The following PRKCE variants were observed in gnomAD, a reference collection of about 807,000 sequenced individuals.
PRKCE encodes protein kinase C epsilon type.
In PRKCE, 16 loss-of-function variants were observed where a neutral mutation model predicts 85.4. That is an observed-to-expected ratio of 0.19 (90% confidence interval 0.13 to 0.28). The LOEUF (loss-of-function observed/expected upper bound fraction) is 0.28. Among genes scored for constraint, PRKCE ranks in the 10% least tolerant of loss-of-function variants. PRKCE has a pLI of 1.00. For missense variants in PRKCE, 573 were observed against 975.2 expected, an observed-to-expected ratio of 0.59 and a Z score of 5.49; for synonymous variants, 388 against 371.5, an observed-to-expected ratio of 1.04 and a Z score of -0.51.
At chr2:45,757,537 T>C (rs544203226) in intron 1 of PRKCE, among the ~76,000 whole-genome samples, 1 of 151,760 alleles carries the variant, frequency 6.6e-6, no homozygotes, top group Non-Finnish European at 1.5e-5. Context: ...TGTGGTGGCA[T>C]GCAGCTGTAG....
At chr2:45,842,741 A>T (rs189169825) in intron 1 of PRKCE, among the ~76,000 whole-genome samples, 2 of 152,190 alleles carry the variant, frequency 1.3e-5, no homozygotes, top group East Asian at 3.9e-4. Flanking sequence ...TCATGGCAAA[A>T]CTGCCTCCAG....
intron 2 of PRKCE, among the ~76,000 whole-genome samples, chr2:45,859,168 CG>C (rs1408801830): frequency 5.9e-5 from 9 of 151,844 alleles, no homozygotes; most frequent in African/African-American, 1.9e-4. Flanking sequence ...GGCTGCAGTT[CG>C]TTTTTTTATT....
At chr2:45,784,082 C>G (rs1273221094) in intron 1 of PRKCE, among the ~76,000 whole-genome samples, 1 of 152,258 alleles carries the variant, frequency 6.6e-6, no homozygotes, top group African/African-American at 2.4e-5. Flanking sequence ...TGCTGGCGCT[C>G]AAGGACCTCA....
At chr2:45,888,358 G>A (rs1419788930) in intron 2 of PRKCE, among the ~76,000 whole-genome samples, 2 of 151,614 alleles carry the variant, frequency 1.3e-5, no homozygotes, top group African/African-American at 4.8e-5. Flanking sequence ...TGTTTGTTGT[G>A]AATCTCTAGA....
intron 1 of PRKCE, among the ~76,000 whole-genome samples, chr2:45,726,008 C>G (rs1681040627): frequency 6.6e-6 from 1 of 152,240 alleles, no homozygotes; most frequent in African/African-American, 2.4e-5. Flanking sequence ...GTAGAAATAG[C>G]AAGAGAACTA....
intron 10 of PRKCE, among the ~76,000 whole-genome samples, chr2:46,032,008 C>A (rs1707555545): frequency 6.6e-6 from 1 of 152,140 alleles, no homozygotes; most frequent in Non-Finnish European, 1.5e-5. Context: ...TTTAAACTTC[C>A]AGCAAATATT....
rs139913927 is a variant in PRKCE at position 46,109,179 on chromosome 2, C to G, written c.1592+22817C>G. ...CAGTAATGTTTTGGGTCCCTTATGT[C>G]TTTTGCTTTTCCATACACATTTTAG... On this transcript the variant is annotated intron_variant, in intron 11 of 14. Transcript: ENST00000306156. 5.3e-5 allele frequency among the ~76,000 whole-genome samples: 8 copies of G among 152,220 alleles called. No individual in the cohort carries two copies. The East Asian group carries it at 1.5e-3, about 29-fold the overall frequency.
intron 8 of PRKCE, 135 bp from the exon 9 acceptor site, chr2:46,007,327 A>T: frequency 1.3e-6 from 1 of 798,018 alleles, no homozygotes; most frequent in South Asian, 1.7e-5. Flanking sequence ...ATACAAAGGG[A>T]TGTCACACTG....
Position 45,949,530 on chromosome 2 carries a change from T to C in PRKCE, c.413-26899T>C, listed in dbSNP as rs1018291047. Among the ~76,000 whole-genome samples the C allele has an allele frequency of 4.0e-5, 6 of 151,632 alleles. No individual in the cohort carries two copies. In the East Asian group the frequency reaches 9.7e-4, roughly 24 times the overall value. ...TTTTCTCGGTATCTTTTTCTTGTCA[T>C]TATTTATGGTGTCTTCTGTGCAGAA... is the stretch of plus-strand genomic sequence containing the variant. On this transcript the variant is annotated intron_variant, in intron 2 of 14. Coordinates refer to ENST00000306156, the MANE Select transcript of PRKCE (RefSeq NM_005400.3).
chr2:45,854,811 C>G (rs530831545), intron 2 of PRKCE, among the ~76,000 whole-genome samples: 58 of 152,166 alleles, frequency 3.8e-4, no homozygotes, highest in Non-Finnish European at 7.3e-4. Flanking sequence ...GTCTTAGAAA[C>G]TTAAAATGTG....
rs913943742 is a variant in PRKCE, at chr2:45,774,541, G to A, written c.349-68459G>A. Among the ~76,000 whole-genome samples the A allele has an allele frequency of 6.6e-6, 1 of 152,092 alleles. No individual in the cohort carries two copies. The highest frequency in any genetic ancestry group is 2.4e-5 in the African/African-American group (1 of 41,402). On this transcript the variant is annotated intron_variant, in intron 1 of 14. Transcript: ENST00000306156. This position sits in a 1 kb window ranked among gnomAD's most constrained non-coding sequence, Gnocchi z 4.3. ...TTTCCATCATGCCAAAGCACCCCATGCCTTGGGGAAAGCTGAATGCCAGGA... is the reference window on the plus strand; with the variant it reads ...TTTCCATCATGCCAAAGCACCCCATACCTTGGGGAAAGCTGAATGCCAGGA...
At chr2:46,053,712 A>G (rs903227533) in intron 10 of PRKCE, among the ~76,000 whole-genome samples, 97 of 152,224 alleles carry the variant, frequency 6.4e-4, no homozygotes, top group African/African-American at 1.5e-3. Context: ...ATAATACTCC[A>G]TTGTATATAC....
At chr2:45,798,306 A>G (rs1329768246) in intron 1 of PRKCE, among the ~76,000 whole-genome samples, 1 of 152,234 alleles carries the variant, frequency 6.6e-6, no homozygotes, top group Non-Finnish European at 1.5e-5. Flanking sequence ...TGTCTATTTT[A>G]GAGATATAGA....
At chr2:45,823,304 C>T (rs979395867) in intron 1 of PRKCE, among the ~76,000 whole-genome samples, 2 of 152,210 alleles carry the variant, frequency 1.3e-5, no homozygotes, top group Admixed American at 6.5e-5. Context: ...TCAGCAGTAA[C>T]GTTGAGCCTC....
intron 1 of PRKCE, among the ~76,000 whole-genome samples, chr2:45,698,199 T>C (rs985022244): frequency 2.6e-5 from 4 of 152,096 alleles, no homozygotes; most frequent in Non-Finnish European, 4.4e-5. Context: ...TAGCATAGGG[T>C]TTTGCAACGT....
rs767343488 is a variant in PRKCE, at chr2:45,744,479, T to TTC, written c.348+92033_348+92034dup. Among the ~76,000 whole-genome samples the TTC allele has an allele frequency of 4.7e-3, 236 of 50,732 alleles. 13 individuals are homozygous for TTC. Among genetic ancestry groups the TTC allele is most frequent in the Middle Eastern group, 0.017 (2 of 120 alleles). The allele number at this position is 50,732 out of a possible 152,430, so 33.3% of individuals were successfully genotyped here. ...TTTCTTTCTTTCTTTCTTTCTTTCT[T>TTC]TCTTTCTTTTTCTTTCTTTCTTTTC... On this transcript the variant is annotated intron_variant, in intron 1 of 14. Transcript: ENST00000306156.
rs34473961 is a variant in PRKCE at position 46,092,680 on chromosome 2, C to T, written c.1592+6318C>T. 7.5e-3 allele frequency among the ~76,000 whole-genome samples: 1,142 copies of T among 152,284 alleles called. 3 individuals are homozygous for T. The highest frequency in any genetic ancestry group is 0.02 in the Middle Eastern group (6 of 294). On this transcript the variant is annotated intron_variant, in intron 11 of 14. Coordinates refer to ENST00000306156, the MANE Select transcript of PRKCE (RefSeq NM_005400.3). ...AAAGGAGAGGCTTAGGAGGGGCTTT[C>T]CTAGAAGAAGCTGGGGTTGTACTGA...
intron 2 of PRKCE, among the ~76,000 whole-genome samples, chr2:45,897,398 G>A (rs1696232190): frequency 1.3e-5 from 2 of 152,156 alleles, no homozygotes; most frequent in African/African-American, 4.8e-5. Context: ...GGAAATCAGG[G>A]CCCCTTTTTT....
chr2:46,182,234 C>G (rs958121505), intron 14 of PRKCE, among the ~76,000 whole-genome samples: 1 of 152,172 alleles, frequency 6.6e-6, no homozygotes, highest in African/African-American at 2.4e-5. Context: ...GGCCCATAGC[C>G]TGCAATCCTC....
Sources: gnomAD v4.1 joint callset for allele counts (sites outside exome capture counted in the v4.1 genomes callset) on GRCh38, gnomAD v4.1.1 for gene constraint, Gnocchi (gnomAD v3.1) non-coding constraint, MANE v1.5 for transcripts, NCBI Gene and HGNC (gene_info 2026-07-23, HGNC 2026-07-21) for gene names.